RAB15: variants seen among roughly 807,000 people sequenced by gnomAD.
RAB15 encodes the protein ras-related protein Rab-15.
A neutral mutation model predicts 31.8 loss-of-function variants in RAB15; 13 were observed. The observed-to-expected ratio is 0.41, with a 90% confidence interval of 0.27 to 0.65. The LOEUF (loss-of-function observed/expected upper bound fraction) is 0.65, where lower values mean the gene tolerates loss of function less well. Ranked by LOEUF, RAB15 falls within the 30% of genes least tolerant of loss-of-function variation. RAB15 has a pLI of 0.32. For missense variants in RAB15, 220 were observed against 277.3 expected, an observed-to-expected ratio of 0.79 and a Z score of 1.47; for synonymous variants, 100 against 105.6, an observed-to-expected ratio of 0.95 and a Z score of 0.33.
In RAB15 at chr14:64,968,940, G is replaced by A. The variant is rs1887281536; in HGVS notation, c.124+3013C>T. ...CAGTCTACCAGGGAGGCCTCTCACT[G>A]CTCCCTGGCGGGTTCTTCTCTAGAA... On this transcript the variant is annotated intron_variant, in intron 1 of 6. Transcript: ENST00000533601. This position sits in a 1 kb window ranked among gnomAD's most constrained non-coding sequence, Gnocchi z 4.9. Among the ~76,000 whole-genome samples the A allele has an allele frequency of 6.6e-6, 1 of 152,206 alleles. No individual in the cohort carries two copies. The highest frequency in any genetic ancestry group is 2.4e-5 in the African/African-American group (1 of 41,440).
chr14:64,957,898 C>A (rs1266429595), intron 1 of RAB15: 1 of 150,794 alleles, frequency 6.6e-6, no homozygotes, highest in East Asian at 1.9e-4. Context: ...TTCCCACACG[C>A]CCTGGCATAC....
intron 1 of RAB15, among the ~76,000 whole-genome samples, chr14:64,963,918 G>A (rs1455010241): frequency 6.6e-6 from 1 of 152,144 alleles, no homozygotes; most frequent in Admixed American, 6.5e-5. Context: ...CAGCCTCCCC[G>A]GGAGGGATTT....
rs747794014 is a variant in RAB15, at chr14:64,954,617, T to C, written c.125-2046A>G. ...TGCAGACAGAGCAGTGAAAAAGACA[T>C]GGCCCCTGCCCTCAGAGAGCCTAGT... On this transcript the variant is annotated intron_variant, in intron 1 of 6. Coordinates refer to ENST00000533601, the MANE Select transcript of RAB15 (RefSeq NM_001308154.2). This position sits in a 1 kb window ranked among gnomAD's most constrained non-coding sequence, Gnocchi z 4.3. 6.3e-4 allele frequency: 490 copies of C among 776,752 alleles called. 1 individual carries two copies. The highest frequency in any genetic ancestry group is 7.5e-4 in the Non-Finnish European group (480 of 639,570). The allele number at this position is 776,752 out of a possible 1,614,324, so 48.1% of individuals were successfully genotyped here.
In RAB15 at chr14:64,948,790, C is replaced by A. The variant is rs140076878; in HGVS notation, c.415-57G>T. 10 of 1,472,406 alleles carry A rather than the reference C, an allele frequency of 6.8e-6. No homozygotes were observed. The African/African-American group carries it at 9.7e-5, about 14-fold the overall frequency. The allele number at this position is 1,472,406 out of a possible 1,614,324, so 91.2% of individuals were successfully genotyped here. ...CAGTAAGGCAGGGGAGGGGCCCATACAACCAGGCACAGGCTTCTGCCACTG... is the reference window on the plus strand; with the variant it reads ...CAGTAAGGCAGGGGAGGGGCCCATAAAACCAGGCACAGGCTTCTGCCACTG... On this transcript the variant is annotated intron_variant, in intron 5 of 6. Coordinates refer to ENST00000533601, the MANE Select transcript of RAB15 (RefSeq NM_001308154.2). The surrounding 1 kb of genome is among the most constrained non-coding windows in gnomAD (Gnocchi z 7.0).
chr14:64,955,494 C>G lies in RAB15; in HGVS notation c.125-2923G>C, dbSNP rs75724268. 5.1e-3 allele frequency among the ~76,000 whole-genome samples: 778 copies of G among 152,330 alleles called. 6 individuals carry two copies. Among genetic ancestry groups the G allele is most frequent in the African/African-American group, 0.017 (721 of 41,564 alleles). ...CTGGCCTTATTGAGGCCTCTGCAGACGGATGCTTTCTCACCTTGGCCAGCC... is the reference window on the plus strand; with the variant it reads ...CTGGCCTTATTGAGGCCTCTGCAGAGGGATGCTTTCTCACCTTGGCCAGCC... On this transcript the variant is annotated intron_variant, in intron 1 of 6. Coordinates refer to ENST00000533601, the MANE Select transcript of RAB15 (RefSeq NM_001308154.2). This position sits in a 1 kb window ranked among gnomAD's most constrained non-coding sequence, Gnocchi z 4.4.
rs771033070 is a variant in RAB15, at chr14:64,954,346, G to A, written c.125-1775C>T. 5.8e-5 allele frequency: 57 copies of A among 985,256 alleles called. No homozygotes were observed. Among genetic ancestry groups the A allele is most frequent in the Non-Finnish European group, 6.5e-5 (54 of 829,912 alleles). The allele number at this position is 985,256 out of a possible 1,614,324, so 61.0% of individuals were successfully genotyped here. A position where few individuals can be genotyped will look rare whatever the true frequency, so the allele number is the denominator to read the frequency against. The stretch of plus-strand genomic sequence containing the variant: ...GTTATCAGGCACCTGTTTCTCCCCA[G>A]TACCTGGCATAGAAGGGAATCAAGA... On this transcript the variant is annotated intron_variant, in intron 1 of 6. Transcript: ENST00000533601. This position sits in a 1 kb window ranked among gnomAD's most constrained non-coding sequence, Gnocchi z 4.3.
In RAB15 at chr14:64,972,155, C is replaced by T. The variant is rs1050780458; in HGVS notation, c.-79G>A. The T allele has an allele frequency of 1.7e-6, 2 of 1,188,266 alleles. No homozygotes were observed. The highest frequency in any genetic ancestry group is 1.6e-5 in the African/African-American group (1 of 62,628). 73.6% of individuals were successfully genotyped at this position (1,188,266 alleles called of 1,614,324 possible). ...TCCGCCGCTGCCATCGCGGCCCGCGCCCGCCCGGGGACGCTGCGGGCGGCG... is the reference window on the plus strand; with the variant it reads ...TCCGCCGCTGCCATCGCGGCCCGCGTCCGCCCGGGGACGCTGCGGGCGGCG... On this transcript the variant is annotated 5_prime_UTR_variant, in exon 1 of 7. Transcript: ENST00000533601. The surrounding 1 kb of genome is among the most constrained non-coding windows in gnomAD (Gnocchi z 6.3).
chr14:64,963,199 A>ACCTGCAG lies in RAB15; in HGVS notation c.124+8753_124+8754insCTGCAGG, dbSNP rs1886955399. On this transcript the variant is annotated intron_variant, in intron 1 of 6. Coordinates refer to ENST00000533601, the MANE Select transcript of RAB15 (RefSeq NM_001308154.2). ...AGTGGTACGATCTCGGCTCACTGCA[A>ACCTGCAG]CCTCCACCTCCTGTGTTAAAGTGAT... is the stretch of plus-strand genomic sequence containing the variant. Among the ~76,000 whole-genome samples, 5 of 142,618 alleles carry ACCTGCAG rather than the reference A, an allele frequency of 3.5e-5. No homozygotes were observed. The South Asian group carries it at 1.1e-3, about 31-fold the overall frequency. The allele number at this position is 142,618 out of a possible 152,430, so 93.6% of individuals were successfully genotyped here. A position where few individuals can be genotyped will look rare whatever the true frequency, so the allele number is the denominator to read the frequency against.
intron 1 of RAB15, among the ~76,000 whole-genome samples, chr14:64,961,915 A>T (rs1007665791): frequency 3.6e-5 from 2 of 56,250 alleles, no homozygotes; most frequent in Non-Finnish European, 7.7e-5. Context: ...ACTCTGTCTT[A>T]AAAAAAAAAA....
chr14:64,970,836 TC>T lies in RAB15; in HGVS notation c.124+1116del, dbSNP rs1319867891. On this transcript the variant is annotated intron_variant, in intron 1 of 6. Transcript: ENST00000533601. This position sits in a 1 kb window ranked among gnomAD's most constrained non-coding sequence, Gnocchi z 4.1. ...TGGCTTCTTAACCAGAAGGTTCTGT[TC>T]CTCCTGGCTGTATCTATCTGCTCCT... Among the ~76,000 whole-genome samples the T allele has an allele frequency of 6.6e-6, 1 of 152,188 alleles. No individual in the cohort carries two copies. Among genetic ancestry groups the T allele is most frequent in the African/African-American group, 2.4e-5 (1 of 41,440 alleles).
chr14:64,968,684 A>G lies in RAB15; in HGVS notation c.124+3269T>C, dbSNP rs1887264559. On this transcript the variant is annotated intron_variant, in intron 1 of 6. Coordinates refer to ENST00000533601, the MANE Select transcript of RAB15 (RefSeq NM_001308154.2). The surrounding 1 kb of genome is among the most constrained non-coding windows in gnomAD (Gnocchi z 4.9). Reference sequence around the variant, plus strand: ...ATCTAGGTTATGGGCTTCTGTGGGCAGAAAACGTAGACTGCAATATGTCTC... The same window carrying G: ...ATCTAGGTTATGGGCTTCTGTGGGCGGAAAACGTAGACTGCAATATGTCTC... Among the ~76,000 whole-genome samples, 1 of 152,224 alleles carries G rather than the reference A, an allele frequency of 6.6e-6. No individual in the cohort carries two copies. Among genetic ancestry groups the G allele is most frequent in the African/African-American group, 2.4e-5 (1 of 41,458 alleles).
At chr14:64,949,126 G>A (rs1232939631) in intron 5 of RAB15, among the ~76,000 whole-genome samples, 2 of 152,166 alleles carry the variant, frequency 1.3e-5, no homozygotes, top group Non-Finnish European at 2.9e-5. Context: ...TACATTCTCT[G>A]TAAGCCCCAG....
Position 64,958,524 on chromosome 14 carries a change from A to G in RAB15, c.125-5953T>C, listed in dbSNP as rs1886695805. Among the ~76,000 whole-genome samples, 1 of 152,178 alleles carries G rather than the reference A, an allele frequency of 6.6e-6. No individual in the cohort carries two copies. Among genetic ancestry groups the G allele is most frequent in the Non-Finnish European group, 1.5e-5 (1 of 68,018 alleles). On this transcript the variant is annotated intron_variant, in intron 1 of 6. Coordinates refer to ENST00000533601, the MANE Select transcript of RAB15 (RefSeq NM_001308154.2). This position sits in a 1 kb window ranked among gnomAD's most constrained non-coding sequence, Gnocchi z 4.4. ...CTCTTGCTTTAAATTACTCAGCTAA[A>G]GGCATTTTGTTACAGCAGCCAGCCC...
rs8009631 is a variant in RAB15 at position 64,958,751 on chromosome 14, C to T, written c.125-6180G>A. Among the ~76,000 whole-genome samples the T allele has an allele frequency of 0.18, 27,163 of 152,150 alleles. 2,605 individuals are homozygous for T. The highest frequency in any genetic ancestry group is 0.26 in the South Asian group (1,241 of 4,812). ...CAGCTCTGGCAGAGGTTCTCGGAGA[C>T]GCTGAGAGCCCCAGGAGGAGAAAGT... On this transcript the variant is annotated intron_variant, in intron 1 of 6. Transcript: ENST00000533601. The surrounding 1 kb of genome is among the most constrained non-coding windows in gnomAD (Gnocchi z 4.4).
rs1049285814 is a variant in RAB15, at chr14:64,971,119, A to G, written c.124+834T>C. ...AGACTTCTCAGGGAGGGGGCCCCTC[A>G]CAGCCTAGAAGCGGGAGACTGACTG... On this transcript the variant is annotated intron_variant, in intron 1 of 6. Coordinates refer to ENST00000533601, the MANE Select transcript of RAB15 (RefSeq NM_001308154.2). This position sits in a 1 kb window ranked among gnomAD's most constrained non-coding sequence, Gnocchi z 4.1. 6.6e-6 allele frequency among the ~76,000 whole-genome samples: 1 copy of G among 152,318 alleles called. No homozygotes were observed. The highest frequency in any genetic ancestry group is 2.1e-4 in the South Asian group (1 of 4,830).
In RAB15 at chr14:64,951,191, G is replaced by A; in HGVS notation, c.247-40C>T. 1 of 1,532,596 alleles carries A rather than the reference G, an allele frequency of 6.5e-7. No homozygotes were observed. The highest frequency in any genetic ancestry group is 1.7e-5 in the Admixed American group (1 of 59,684). 94.9% of individuals were successfully genotyped at this position (1,532,596 alleles called of 1,614,324 possible). On this transcript the variant is annotated intron_variant, in intron 3 of 6. Coordinates refer to ENST00000533601, the MANE Select transcript of RAB15 (RefSeq NM_001308154.2). The surrounding 1 kb of genome is among the most constrained non-coding windows in gnomAD (Gnocchi z 7.2). ...AATAGAGAGATGTGATATGCACAGAGAGAGTGCAGTCATGGGGCCAGAAGG... is the reference window on the plus strand; with the variant it reads ...AATAGAGAGATGTGATATGCACAGAAAGAGTGCAGTCATGGGGCCAGAAGG...
rs114500129 is a variant in RAB15, at chr14:64,949,143, C to T, written c.415-410G>A. On this transcript the variant is annotated intron_variant, in intron 5 of 6. Coordinates refer to ENST00000533601, the MANE Select transcript of RAB15 (RefSeq NM_001308154.2). ...CATTCTCTGTAAGCCCCAGCTTTAT[C>T]TTCTGTTAAAGGAGACTGAGTGTGT... Among the ~76,000 whole-genome samples, 548 of 152,318 alleles carry T rather than the reference C, an allele frequency of 3.6e-3. 3 individuals carry two copies. Among genetic ancestry groups the T allele is most frequent in the African/African-American group, 0.012 (498 of 41,566 alleles).
At position 64,968,917 on chromosome 14, in the gene RAB15, G is replaced by A. The variant is rs999997287; in HGVS notation, c.124+3036C>T. Among the ~76,000 whole-genome samples, 5 of 152,216 alleles carry A rather than the reference G, an allele frequency of 3.3e-5. No individual in the cohort carries two copies. The highest frequency in any genetic ancestry group is 1.2e-4 in the African/African-American group (5 of 41,448). The stretch of plus-strand genomic sequence containing the variant: ...AGGGGGAGGGACAGTCAGTGTCTCA[G>A]TCTACCAGGGAGGCCTCTCACTGCT... On this transcript the variant is annotated intron_variant, in intron 1 of 6. Transcript: ENST00000533601. The surrounding 1 kb of genome is among the most constrained non-coding windows in gnomAD (Gnocchi z 4.9).
Position 64,971,882 on chromosome 14 carries a change from T to C in RAB15, c.124+71A>G. On this transcript the variant is annotated intron_variant, in intron 1 of 6. Transcript: ENST00000533601. The surrounding 1 kb of genome is among the most constrained non-coding windows in gnomAD (Gnocchi z 4.1). ...GAGGGGCTGGCAATTCCTCCCCAGC[T>C]GGGGACGGGGGCGGCGGGGAAAGGG... 1 of 1,411,384 alleles carries C rather than the reference T, an allele frequency of 7.1e-7. No individual in the cohort carries two copies. 87.4% of individuals were successfully genotyped at this position (1,411,384 alleles called of 1,614,324 possible).
Sources: gnomAD v4.1 joint callset for allele counts (sites outside exome capture counted in the v4.1 genomes callset) on GRCh38, gnomAD v4.1.1 for gene constraint, Gnocchi (gnomAD v3.1) non-coding constraint, MANE v1.5 for transcripts, NCBI Gene and HGNC (gene_info 2026-07-23, HGNC 2026-07-21) for gene names.